Variants in NFU1 observed in about 807,000 individuals in gnomAD.
The protein encoded by NFU1 is NFU1 iron-sulfur cluster scaffold homolog, mitochondrial.
In NFU1, 30 loss-of-function variants were observed where a neutral mutation model predicts 32.2. The ratio of observed to expected loss-of-function variants is 0.93; its 90% confidence interval spans 0.70 to 1.26. The LOEUF is 1.26. NFU1 is among the 50% of genes most tolerant of loss of function. The pLI, the probability that NFU1 is intolerant of heterozygous loss-of-function variation, is 0.00. For missense variants in NFU1, 306 were observed against 306.6 expected (o/e 1.00, Z 0.02); for synonymous variants, 112 against 104.6 (o/e 1.07, Z -0.43).
chr2:69,405,638 T>G (rs1458020616), intron 6 of NFU1, among the ~76,000 whole-genome samples: 1 of 152,218 alleles, frequency 6.6e-6, no homozygotes, highest in Admixed American at 6.5e-5. Context: ...CCTGCTGTTC[T>G]CCACTCACTT....
intron 4 of NFU1, among the ~76,000 whole-genome samples, chr2:69,418,166 G>A (rs752155516): frequency 2.1e-4 from 32 of 152,298 alleles, no homozygotes; most frequent in Non-Finnish European, 4.3e-4. Context: ...TTGGGAGGCC[G>A]AGGTGAGCAG....
intron 5 of NFU1, among the ~76,000 whole-genome samples, chr2:69,406,833 T>C (rs1398365032): frequency 6.6e-6 from 1 of 152,168 alleles, no homozygotes; most frequent in African/African-American, 2.4e-5. Context: ...TCAGTTCCCA[T>C]AATCCCTATG....
At chr2:69,432,880 T>G (rs1372326922) in intron 1 of NFU1, among the ~76,000 whole-genome samples, 1 of 152,002 alleles carries the variant, frequency 6.6e-6, no homozygotes, top group African/African-American at 2.4e-5. Flanking sequence ...CCAGGGGTGG[T>G]GGCTCACGCC....
intron 7 of NFU1, 71 bp from the exon 8 acceptor site, chr2:69,396,361 A>G: frequency 8.8e-7 from 1 of 1,138,268 alleles, no homozygotes; most frequent in Non-Finnish European, 1.3e-6. Context: ...CCTGATTTTA[A>G]TATTACTTCT....
chr2:69,413,183 G>A (rs553407520), intron 5 of NFU1, among the ~76,000 whole-genome samples: 4 of 151,956 alleles, frequency 2.6e-5, no homozygotes, highest in African/African-American at 9.7e-5. Flanking sequence ...TATTCAGGAG[G>A]CTGAGGCAGG....
intron 2 of NFU1, among the ~76,000 whole-genome samples, chr2:69,428,369 G>C (rs1300182236): frequency 6.6e-6 from 1 of 151,688 alleles, no homozygotes. Flanking sequence ...AGGTTGCAGT[G>C]AGCCAAGATC....
chr2:69,431,899 T>C lies in NFU1; in HGVS notation c.166+3A>G, dbSNP rs777633945. 1 of 1,595,948 alleles carries C rather than the reference T, an allele frequency of 6.3e-7. No individual in the cohort carries two copies. Among genetic ancestry groups the C allele is most frequent in the South Asian group, 1.1e-5 (1 of 90,668 alleles). On this transcript the variant is annotated splice_donor_region_variant and intron_variant, in intron 2 of 7. Transcript: ENST00000410022. ...AACTGCTATAAAAGAGGTGAAATTTTACCTGGGTGATAAAAGGCTGCAGGT... is the reference window on the plus strand; with the variant it reads ...AACTGCTATAAAAGAGGTGAAATTTCACCTGGGTGATAAAAGGCTGCAGGT...
intron 4 of NFU1, among the ~76,000 whole-genome samples, chr2:69,417,788 T>C (rs185430072): frequency 1.9e-4 from 28 of 150,442 alleles, no homozygotes; most frequent in African/African-American, 6.4e-4. Context: ...CAATTTCAAA[T>C]AGGGTAACTA....
At chr2:69,399,387 G>C (rs947957666) in intron 7 of NFU1, 4 of 455,122 alleles carry the variant, frequency 8.8e-6, no homozygotes, top group African/African-American at 4.0e-5. Context: ...ATACTCCTTA[G>C]GTATGTTGGC....
rs886056267 is a variant in NFU1 at position 69,437,423 on chromosome 2, C to G, written c.-1G>C. 2 of 1,610,704 alleles carry G rather than the reference C, an allele frequency of 1.2e-6. No individual in the cohort carries two copies. The highest frequency in any genetic ancestry group is 1.7e-6 in the Non-Finnish European group (2 of 1,179,572). The stretch of plus-strand genomic sequence containing the variant: ...AGCCCCGCCTGGCCGTCGCCGCCAT[C>G]TTAGTCCGGAGTGCCTAAGGGTCTC... On this transcript the variant is annotated 5_prime_UTR_variant, in exon 1 of 8. Transcript: ENST00000410022.
At chr2:69,428,537 T>C (rs1027897963) in intron 2 of NFU1, among the ~76,000 whole-genome samples, 3 of 152,202 alleles carry the variant, frequency 2.0e-5, no homozygotes, top group African/African-American at 4.8e-5. Context: ...CTTTCAATAC[T>C]TACTATTTTT....
At position 69,400,411 on chromosome 2, in the gene NFU1, G is replaced by A. The variant is rs769388519; in HGVS notation, c.673C>T (p.Gln225Ter). The A allele has an allele frequency of 6.2e-7, 1 of 1,614,074 alleles. No homozygotes were observed. Among genetic ancestry groups the A allele is most frequent in the Non-Finnish European group, 8.5e-7 (1 of 1,179,992 alleles). The change falls in exon 7 of 8, where the codon CAG becomes TAG. Residue 225 changes from glutamine to a stop codon, truncating the protein, a stop_gained. Coordinates refer to ENST00000410022, the MANE Select transcript of NFU1 (RefSeq NM_001002755.4). LOFTEE classifies it high-confidence loss of function. ...GGAATATAAAACTGCAGCATGTTCTGAATTCCATTTTTCAGAGTAATGATT... is the reference window on the plus strand; with the variant it reads ...GGAATATAAAACTGCAGCATGTTCTAAATTCCATTTTTCAGAGTAATGATT... ...SSIITLKNGI[Q>*]NMLQFYIPEV...
intron 4 of NFU1, chr2:69,416,174 TG>T (rs1484537775): frequency 6.6e-6 from 1 of 151,232 alleles, no homozygotes; most frequent in Non-Finnish European, 1.5e-5. Context: ...ACCTATGCAA[TG>T]GCAACCACTT....
rs569778480 is a variant in NFU1, at chr2:69,421,959, G to A, written c.302+1623C>T. 3.3e-5 allele frequency among the ~76,000 whole-genome samples: 5 copies of A among 152,052 alleles called. No homozygotes were observed. The East Asian group carries it at 9.6e-4, about 29-fold the overall frequency. On this transcript the variant is annotated intron_variant, in intron 3 of 7. Transcript: ENST00000410022. ...GATCCCTGAAACTACACATAGTATT[G>A]AACCCTGCAAGTATTATGTTTTTTT...
chr2:69,411,075 C>T (rs754871592), intron 5 of NFU1: 2 of 151,734 alleles, frequency 1.3e-5, no homozygotes, highest in Non-Finnish European at 2.9e-5. Flanking sequence ...GGACAAAAAA[C>T]ATCTTAGAAA....
chr2:69,396,593 C>A (rs1367633269), intron 7 of NFU1, among the ~76,000 whole-genome samples: 2 of 151,772 alleles, frequency 1.3e-5, no homozygotes, highest in African/African-American at 4.8e-5. Flanking sequence ...GCAGAGCTTG[C>A]AGTGAGCCGA....
chr2:69,406,556 A>G lies in NFU1; in HGVS notation c.485-474T>C, dbSNP rs184456805. Among the ~76,000 whole-genome samples the G allele has an allele frequency of 2.0e-5, 3 of 152,070 alleles. No individual in the cohort carries two copies. In the East Asian group the frequency reaches 5.8e-4, roughly 29 times the overall value. On this transcript the variant is annotated intron_variant, in intron 5 of 7. Coordinates refer to ENST00000410022, the MANE Select transcript of NFU1 (RefSeq NM_001002755.4). ...CTAAATATAGATGTAAGCCTTCTGGAAATTTCTGAAATGTTCTTTTATTTT... is the reference window on the plus strand; with the variant it reads ...CTAAATATAGATGTAAGCCTTCTGGGAATTTCTGAAATGTTCTTTTATTTT...
Position 69,414,618 on chromosome 2 carries a change from T to TA in NFU1, c.484+566dup, listed in dbSNP as rs57180785. ...GGGTGACAGAGTGAGAGTCTGTCTC[T>TA]AAAAAAAAAAAAAAAAAAAAAAAAC... On this transcript the variant is annotated intron_variant, in intron 5 of 7. Transcript: ENST00000410022. Among the ~76,000 whole-genome samples the TA allele has an allele frequency of 4.5e-3, 363 of 81,108 alleles. 5 individuals carry two copies. The highest frequency in any genetic ancestry group is 9.9e-3 in the East Asian group (27 of 2,736). The allele number at this position is 81,108 out of a possible 152,430, so 53.2% of individuals were successfully genotyped here.
intron 1 of NFU1, among the ~76,000 whole-genome samples, chr2:69,435,050 G>A (rs1177698313): frequency 6.6e-6 from 1 of 152,200 alleles, no homozygotes; most frequent in African/African-American, 2.4e-5. Flanking sequence ...AATTGGGGAA[G>A]TTGCAACTCT....
Sources: gnomAD v4.1 joint callset for allele counts (sites outside exome capture counted in the v4.1 genomes callset) on GRCh38, gnomAD v4.1.1 for gene constraint, MANE v1.5 for transcripts, NCBI Gene and HGNC (gene_info 2026-07-23, HGNC 2026-07-21) for gene names.